ZNRF3: variants seen among roughly 807,000 people sequenced by gnomAD.
ZNRF3 encodes zinc and ring finger 3.
In ZNRF3, 23 loss-of-function variants were observed where a neutral mutation model predicts 72.5. The observed-to-expected ratio is 0.32, with a 90% CI of 0.23 to 0.45. The LOEUF (loss-of-function observed/expected upper bound fraction) is 0.45, where lower values mean the gene tolerates loss of function less well. Among genes scored for constraint, ZNRF3 ranks in the 20% least tolerant of loss-of-function variants. The probability of loss-of-function intolerance (pLI) is 1.00; values close to 1 mark genes in which losing one functional copy is unlikely to be tolerated. For missense variants in ZNRF3, 1,169 were observed against 1,272.1 expected, an observed-to-expected ratio of 0.92 and a Z score of 1.23; for synonymous variants, 610 against 545.3, an observed-to-expected ratio of 1.12 and a Z score of -1.65.
At chr22:28,984,319 T>C (rs1186789805) in intron 1 of ZNRF3, among the ~76,000 whole-genome samples, 1 of 152,130 alleles carries the variant, frequency 6.6e-6, no homozygotes, top group Non-Finnish European at 1.5e-5. Context: ...TATTTGCCCC[T>C]CCCTGCTGCC....
chr22:28,896,701 G>A (rs1318980930), intron 1 of ZNRF3, among the ~76,000 whole-genome samples: 2 of 152,234 alleles, frequency 1.3e-5, no homozygotes, highest in Non-Finnish European at 2.9e-5. Flanking sequence ...AAGTACATCA[G>A]TCTTGGAGTA....
chr22:28,898,797 G>C (rs532979347), intron 1 of ZNRF3, among the ~76,000 whole-genome samples: 25 of 152,260 alleles, frequency 1.6e-4, no homozygotes, highest in African/African-American at 6.0e-4. Context: ...GACTTAACAG[G>C]CTACATGTGA....
chr22:28,927,332 A>C (rs2034621716), intron 1 of ZNRF3, among the ~76,000 whole-genome samples: 1 of 152,066 alleles, frequency 6.6e-6, no homozygotes, highest in Non-Finnish European at 1.5e-5. Context: ...AAGGCAGGCG[A>C]ATCACAAGGT....
At chr22:28,912,657 TC>T (rs1296880358) in intron 1 of ZNRF3, among the ~76,000 whole-genome samples, 3 of 134,916 alleles carry the variant, frequency 2.2e-5, no homozygotes, top group African/African-American at 5.2e-5. Context: ...GGTTTTCTTT[TC>T]TTTCTTTTTT....
At chr22:28,948,128 C>T (rs1346955688) in intron 1 of ZNRF3, among the ~76,000 whole-genome samples, 2 of 151,908 alleles carry the variant, frequency 1.3e-5, no homozygotes, top group Non-Finnish European at 2.9e-5. Context: ...CAGGTGTGAG[C>T]CACTGCGCCT....
intron 1 of ZNRF3, among the ~76,000 whole-genome samples, chr22:28,928,656 G>C (rs573054751): frequency 6.6e-6 from 1 of 151,910 alleles, no homozygotes; most frequent in South Asian, 2.1e-4. Context: ...ACCAAACCCG[G>C]CTAATTTTTT....
chr22:28,967,185 A>C (rs1003686944), intron 1 of ZNRF3, among the ~76,000 whole-genome samples: 5 of 152,174 alleles, frequency 3.3e-5, no homozygotes, highest in Non-Finnish European at 5.9e-5. Context: ...CCCAGCCTAA[A>C]AATCTTTTAT....
At chr22:29,005,826 G>A (rs1301017845) in intron 2 of ZNRF3, among the ~76,000 whole-genome samples, 1 of 151,994 alleles carries the variant, frequency 6.6e-6, no homozygotes, top group African/African-American at 2.4e-5. Flanking sequence ...ACCTGAGGTC[G>A]GGAGTTCAAG....
rs2035607854 is a variant in ZNRF3 at position 28,973,181 on chromosome 22, T to C, written c.301-13895T>C. 2.0e-5 allele frequency among the ~76,000 whole-genome samples: 3 copies of C among 152,170 alleles called. No individual in the cohort carries two copies. The South Asian group carries it at 6.2e-4, about 32-fold the overall frequency. Reference sequence around the variant, plus strand: ...GTTTTGTAGAGACAGAGTTTTGCTATGTTACTTAGGCTGGTCTCAAACTCC... The same window carrying C: ...GTTTTGTAGAGACAGAGTTTTGCTACGTTACTTAGGCTGGTCTCAAACTCC... On this transcript the variant is annotated intron_variant, in intron 1 of 8. Coordinates refer to ENST00000544604, the MANE Select transcript of ZNRF3 (RefSeq NM_001206998.2).
intron 1 of ZNRF3, among the ~76,000 whole-genome samples, chr22:28,952,129 C>T (rs929074276): frequency 1.3e-5 from 2 of 152,254 alleles, no homozygotes; most frequent in Non-Finnish European, 2.9e-5. Context: ...CCAAGAAAAG[C>T]GAGCTGCTGG....
intron 2 of ZNRF3, among the ~76,000 whole-genome samples, chr22:29,024,179 A>G (rs528209153): frequency 4.6e-5 from 7 of 151,636 alleles, no homozygotes; most frequent in Non-Finnish European, 7.4e-5. Context: ...AATGACAGTC[A>G]TTCACCTGTT....
At position 29,051,050 on chromosome 22, in the gene ZNRF3, G is replaced by T. The variant is rs1299816935; in HGVS notation, c.2767+102G>T. The T allele has an allele frequency of 3.0e-6, 4 of 1,320,860 alleles. No individual in the cohort carries two copies. The East Asian group carries it at 9.7e-5, about 32-fold the overall frequency. 81.8% of individuals were successfully genotyped at this position (1,320,860 alleles called of 1,614,324 possible). ...CTGAATGACTTCTTTTGTGTCCTTG[G>T]TTTTAAACACCATCTGAGGCTGAAG... On this transcript the variant is annotated intron_variant, in intron 8 of 8. Coordinates refer to ENST00000544604, the MANE Select transcript of ZNRF3 (RefSeq NM_001206998.2).
intron 1 of ZNRF3, among the ~76,000 whole-genome samples, chr22:28,885,590 T>TAAA (rs34201242): frequency 2.9e-5 from 3 of 102,726 alleles, no homozygotes; most frequent in Admixed American, 1.1e-4. Flanking sequence ...TACAGCCTTC[T>TAAA]AAAAAAAAAA....
chr22:28,894,809 G>C (rs974325593), intron 1 of ZNRF3, among the ~76,000 whole-genome samples: 4 of 152,094 alleles, frequency 2.6e-5, no homozygotes, highest in African/African-American at 9.7e-5. Context: ...ACAGCTTCCA[G>C]GTATTTTGTT....
At chr22:28,899,693 CTTTTT>C (rs1299023459) in intron 1 of ZNRF3, among the ~76,000 whole-genome samples, 1 of 132,764 alleles carries the variant, frequency 7.5e-6, no homozygotes, top group Admixed American at 8.0e-5. Flanking sequence ...TTCTTTCTTT[CTTTTT>C]TTTTTTTTTT....
intron 1 of ZNRF3, among the ~76,000 whole-genome samples, chr22:28,984,045 ATC>A: frequency 6.6e-6 from 1 of 151,890 alleles, no homozygotes; most frequent in Non-Finnish European, 1.5e-5. Flanking sequence ...TCACTGTGGG[ATC>A]CCCGTGTTAG....
At chr22:28,961,729 A>G (rs549483171) in intron 1 of ZNRF3, among the ~76,000 whole-genome samples, 69 of 152,300 alleles carry the variant, frequency 4.5e-4, no homozygotes, top group African/African-American at 1.5e-3. Context: ...AGGGGAAAAA[A>G]ATGCTTTACC....
chr22:28,918,559 T>C (rs1358823510), intron 1 of ZNRF3, among the ~76,000 whole-genome samples: 1 of 151,658 alleles, frequency 6.6e-6, no homozygotes, highest in Non-Finnish European at 1.5e-5. Context: ...TGTGTGTGTG[T>C]GTGTGTGTGT....
intron 1 of ZNRF3, among the ~76,000 whole-genome samples, chr22:28,931,931 T>C (rs1373949758): frequency 6.6e-6 from 1 of 152,212 alleles, no homozygotes; most frequent in Non-Finnish European, 1.5e-5. Flanking sequence ...GAGGTTCCTA[T>C]GGACAGAGAA....
Sources: allele counts gnomAD v4.1 joint callset (sites outside exome capture counted in the v4.1 genomes callset), GRCh38; gene constraint gnomAD v4.1.1; transcripts MANE v1.5; gene names NCBI Gene and HGNC (gene_info 2026-07-23, HGNC 2026-07-21).